Variants in TAOK3 observed in about 807,000 individuals in gnomAD.
TAOK3 encodes serine/threonine-protein kinase TAO3.
TAOK3 carries 40 observed loss-of-function variants against 120.4 expected under a neutral mutation model. The ratio of observed to expected loss-of-function variants is 0.33; its 90% confidence interval spans 0.26 to 0.43. TAOK3 has a LOEUF of 0.43. TAOK3 is among the 20% of genes least tolerant of loss of function. The pLI is 1.00. For missense variants in TAOK3, 821 were observed against 1,112.1 expected (o/e 0.74, Z 3.72); for synonymous variants, 355 against 387.5 (o/e 0.92, Z 0.99).
At chr12:118,243,922 G>T (rs1006217636) in intron 4 of TAOK3, among the ~76,000 whole-genome samples, 1 of 151,998 alleles carries the variant, frequency 6.6e-6, no homozygotes, top group East Asian at 1.9e-4. Context: ...CAGGTGATCC[G>T]CCCACCTTGG....
intron 20 of TAOK3, among the ~76,000 whole-genome samples, chr12:118,151,871 A>G (rs561963918): frequency 3.6e-4 from 55 of 152,212 alleles, no homozygotes; most frequent in African/African-American, 1.1e-3. Context: ...AGTCAAATCT[A>G]TTGTACATTT....
chr12:118,285,006 T>C (rs1173218409), intron 1 of TAOK3, among the ~76,000 whole-genome samples: 1 of 147,094 alleles, frequency 6.8e-6, no homozygotes, highest in African/African-American at 2.5e-5. Context: ...TTTTGCTTCA[T>C]TGTAAAAAAA....
chr12:118,329,462 A>G (rs1232497786), intron 1 of TAOK3, among the ~76,000 whole-genome samples: 3 of 152,214 alleles, frequency 2.0e-5, no homozygotes, highest in Non-Finnish European at 4.4e-5. Context: ...TAATTAGGAA[A>G]GATAAAATGG....
At chr12:118,204,751 T>G (rs1305230470) in intron 11 of TAOK3, among the ~76,000 whole-genome samples, 2 of 152,210 alleles carry the variant, frequency 1.3e-5, no homozygotes, top group Non-Finnish European at 2.9e-5. Flanking sequence ...GTTTCAAGGC[T>G]GGGCATGGTG....
intron 1 of TAOK3, among the ~76,000 whole-genome samples, chr12:118,280,152 C>T (rs2042049324): frequency 6.6e-6 from 1 of 151,820 alleles, no homozygotes; most frequent in Non-Finnish European, 1.5e-5. Flanking sequence ...ACCTCCGCCT[C>T]CCGGGTTCAA....
chr12:118,283,297 A>G (rs2042158412), intron 1 of TAOK3, among the ~76,000 whole-genome samples: 1 of 152,234 alleles, frequency 6.6e-6, no homozygotes, highest in Non-Finnish European at 1.5e-5. Flanking sequence ...GAAACTCATT[A>G]CCTAGAACCA....
At chr12:118,258,285 C>T (rs1186670250) in intron 2 of TAOK3, among the ~76,000 whole-genome samples, 2 of 152,118 alleles carry the variant, frequency 1.3e-5, no homozygotes, top group Non-Finnish European at 2.9e-5. Context: ...CAACAATGCA[C>T]CTATAATCCT....
At chr12:118,215,113 T>C (rs1397114821) in intron 9 of TAOK3, among the ~76,000 whole-genome samples, 1 of 150,244 alleles carries the variant, frequency 6.7e-6, no homozygotes, top group African/African-American at 2.4e-5. Context: ...ACTCCTGACC[T>C]CGTGATCCAC....
chr12:118,177,590 G>A (rs1168159140), intron 15 of TAOK3, among the ~76,000 whole-genome samples: 4 of 151,838 alleles, frequency 2.6e-5, no homozygotes, highest in Admixed American at 6.6e-5. Flanking sequence ...TTGGGAGTTC[G>A]AGGCAGGCAG....
intron 9 of TAOK3, among the ~76,000 whole-genome samples, chr12:118,222,362 G>A (rs2039278515): frequency 6.6e-6 from 1 of 151,960 alleles, no homozygotes; most frequent in Non-Finnish European, 1.5e-5. Context: ...GTGAAACCCC[G>A]TCTCTACTAA....
intron 1 of TAOK3, among the ~76,000 whole-genome samples, chr12:118,274,278 C>A (rs1187803596): frequency 6.6e-6 from 1 of 152,144 alleles, no homozygotes; most frequent in Non-Finnish European, 1.5e-5. Flanking sequence ...GCTTTTTATG[C>A]CACTATGGTT....
At chr12:118,189,535 GACACACACACACACAC>G (rs869285530) in intron 14 of TAOK3, among the ~76,000 whole-genome samples, 5,740 of 132,268 alleles carry the variant, frequency 0.043, 185 homozygotes, top group Non-Finnish European at 0.06. Context: ...CACAGACACA[GACACACACACACACAC>G]ACACACACAC....
At chr12:118,303,997 A>G (rs1238245202) in intron 1 of TAOK3, among the ~76,000 whole-genome samples, 1 of 151,888 alleles carries the variant, frequency 6.6e-6, no homozygotes, top group Admixed American at 6.6e-5. Flanking sequence ...CTCTCTTTAC[A>G]CTCCTGGTCT....
chr12:118,210,556 T>TTCA (rs2038568775), intron 11 of TAOK3, among the ~76,000 whole-genome samples: 3 of 152,096 alleles, frequency 2.0e-5, no homozygotes, highest in South Asian at 4.1e-4. Flanking sequence ...TACTGATCAA[T>TTCA]GAAGATCAGT....
chr12:118,195,189 A>C (rs1283433432), intron 13 of TAOK3, among the ~76,000 whole-genome samples: 1 of 152,230 alleles, frequency 6.6e-6, no homozygotes, highest in Non-Finnish European at 1.5e-5. Context: ...TTCAATAAGC[A>C]TACCTAAAAT....
At chr12:118,294,937 G>A (rs529379473) in intron 1 of TAOK3, among the ~76,000 whole-genome samples, 2 of 152,270 alleles carry the variant, frequency 1.3e-5, no homozygotes, top group African/African-American at 4.8e-5. Context: ...GGAAAGATTA[G>A]GAATTAAGCT....
intron 14 of TAOK3, 111 bp downstream of exon 14, chr12:118,189,696 T>C: frequency 7.6e-7 from 1 of 1,312,440 alleles, no homozygotes; most frequent in Non-Finnish European, 1.1e-6. Context: ...AAAACATTCT[T>C]GACTCCTTTC....
Position 118,160,086 on chromosome 12 carries a change from T to A in TAOK3, c.2352+60A>T. On this transcript the variant is annotated intron_variant, in intron 19 of 20. Coordinates refer to ENST00000392533, the MANE Select transcript of TAOK3 (RefSeq NM_016281.4). This position sits in a 1 kb window ranked among gnomAD's most constrained non-coding sequence, Gnocchi z 4.2. Reference sequence around the variant, plus strand: ...ATCATCTTGGGAACAACAGGCTGGATCTTGGATTTTCTTGATTCCCAAAGC... The same window carrying A: ...ATCATCTTGGGAACAACAGGCTGGAACTTGGATTTTCTTGATTCCCAAAGC... The A allele has an allele frequency of 6.8e-6, 9 of 1,322,696 alleles. No individual in the cohort carries two copies. In the East Asian group the frequency reaches 2.1e-4, roughly 30 times the overall value. 81.9% of individuals were successfully genotyped at this position (1,322,696 alleles called of 1,614,324 possible).
intron 1 of TAOK3, among the ~76,000 whole-genome samples, chr12:118,294,105 A>G (rs1290330454): frequency 1.3e-5 from 2 of 152,052 alleles, no homozygotes; most frequent in African/African-American, 2.4e-5. Flanking sequence ...TATTTTATAT[A>G]TGTATATTTA....
Sources: allele counts gnomAD v4.1 joint callset (sites outside exome capture counted in the v4.1 genomes callset), GRCh38; gene constraint gnomAD v4.1.1; non-coding constraint Gnocchi (gnomAD v3.1); transcripts MANE v1.5; gene names NCBI Gene and HGNC (gene_info 2026-07-23, HGNC 2026-07-21).